Variants in DCC observed in about 807,000 individuals in gnomAD.
The protein encoded by DCC is netrin receptor DCC.
A neutral mutation model predicts 172.5 loss-of-function variants in DCC; 58 were observed. The observed-to-expected ratio is 0.34, with a 90% confidence interval of 0.27 to 0.42. The LOEUF is 0.42. Ranked by LOEUF, DCC falls within the 10% of genes least tolerant of loss-of-function variation. The pLI, the probability that DCC is intolerant of heterozygous loss-of-function variation, is 1.00. For missense variants in DCC, 1,740 were observed against 1,791.0 expected, an observed-to-expected ratio of 0.97 and a Z score of 0.51; for synonymous variants, 709 against 644.5, an observed-to-expected ratio of 1.10 and a Z score of -1.52.
chr18:52,767,010 G>T (rs988775526), intron 2 of DCC, among the ~76,000 whole-genome samples: 7 of 151,788 alleles, frequency 4.6e-5, no homozygotes, highest in Admixed American at 4.6e-4. Flanking sequence ...CCATGAAGAA[G>T]GCTTTTTCTA....
chr18:52,687,351 C>T (rs1188529742), intron 1 of DCC, among the ~76,000 whole-genome samples: 2 of 143,096 alleles, frequency 1.4e-5, no homozygotes, highest in Non-Finnish European at 3.0e-5. Flanking sequence ...ATGGTGTGGT[C>T]TCAGCTCACT....
intron 1 of DCC, among the ~76,000 whole-genome samples, chr18:52,592,696 C>T (rs976137236): frequency 2.4e-4 from 37 of 152,158 alleles, no homozygotes; most frequent in African/African-American, 3.4e-4. Flanking sequence ...TGCAGTGGCA[C>T]GATCTCAACT....
At chr18:52,663,725 C>T (rs2035407431) in intron 1 of DCC, among the ~76,000 whole-genome samples, 1 of 152,144 alleles carries the variant, frequency 6.6e-6, no homozygotes, top group Non-Finnish European at 1.5e-5. Flanking sequence ...AGACAGAAAA[C>T]TACATTCTCG....
intron 21 of DCC, among the ~76,000 whole-genome samples, chr18:53,425,020 C>T (rs540280563): frequency 2.6e-5 from 4 of 152,028 alleles, no homozygotes; most frequent in African/African-American, 9.6e-5. Context: ...AGGGGTGTGA[C>T]TGTGGGATAG....
chr18:52,941,370 T>C (rs182483157), intron 5 of DCC, among the ~76,000 whole-genome samples: 16 of 152,138 alleles, frequency 1.1e-4, no homozygotes, highest in Admixed American at 1.0e-3. Flanking sequence ...TTAATAAAGG[T>C]AGTACTCAGG....
chr18:52,791,560 A>G (rs182366380), intron 2 of DCC, among the ~76,000 whole-genome samples: 109 of 152,096 alleles, frequency 7.2e-4, no homozygotes, highest in Non-Finnish European at 1.3e-3. Flanking sequence ...ATAGAACCAG[A>G]GGAACTAAGC....
At position 52,352,983 on chromosome 18, in the gene DCC, T is replaced by G. The variant is rs557497049; in HGVS notation, c.91+12105T>G. ...GCTCTAGATGACTGAAAGCATCAGATAGGGAGGTGATCCTTGCCTCTATTC... is the reference window on the plus strand; with the variant it reads ...GCTCTAGATGACTGAAAGCATCAGAGAGGGAGGTGATCCTTGCCTCTATTC... On this transcript the variant is annotated intron_variant, in intron 1 of 28. Coordinates refer to ENST00000442544, the MANE Select transcript of DCC (RefSeq NM_005215.4). Among the ~76,000 whole-genome samples, 11 of 152,306 alleles carry G rather than the reference T, an allele frequency of 7.2e-5. 1 individual carries two copies. In the South Asian group the frequency reaches 2.3e-3, roughly 32 times the overall value.
chr18:53,530,766 C>T lies in DCC; in HGVS notation c.*113C>T. ...TCTAACCAGTGTACAGGTCACCCAT[C>T]AGGACCACTCAGTTAAGGAAGATCC... is the stretch of plus-strand genomic sequence containing the variant. On this transcript the variant is annotated 3_prime_UTR_variant, in exon 29 of 29. Coordinates refer to ENST00000442544, the MANE Select transcript of DCC (RefSeq NM_005215.4). 2.7e-6 allele frequency: 2 copies of T among 749,566 alleles called. No homozygotes were observed. Among genetic ancestry groups the T allele is most frequent in the Admixed American group, 1.8e-5 (1 of 54,892 alleles). The allele number at this position is 749,566 out of a possible 1,614,324, so 46.4% of individuals were successfully genotyped here.
At chr18:53,403,144 A>G (rs543303779) in intron 19 of DCC, among the ~76,000 whole-genome samples, 19 of 151,902 alleles carry the variant, frequency 1.3e-4, no homozygotes, top group African/African-American at 4.6e-4. Flanking sequence ...TTCACGAAAG[A>G]TGTGTATTTC....
At chr18:53,308,740 A>G (rs1407313972) in intron 13 of DCC, among the ~76,000 whole-genome samples, 1 of 152,242 alleles carries the variant, frequency 6.6e-6, no homozygotes, top group Admixed American at 6.5e-5. Flanking sequence ...GAAAAAACGC[A>G]GTACGGCAAC....
At position 53,179,100 on chromosome 18, in the gene DCC, G is replaced by T; in HGVS notation, c.1557G>T (p.Val519=). Residue 519 remains valine, a synonymous_variant, in exon 9 of 29, where the codon GTG becomes GTT. Coordinates refer to ENST00000442544, the MANE Select transcript of DCC (RefSeq NM_005215.4). Reference sequence around the variant, plus strand: ...GAGAGAGTTCTCAACCCATCAAGGTGGCCACACAGCCTGAGTGTGAGTATG... The same window carrying T: ...GAGAGAGTTCTCAACCCATCAAGGTTGCCACACAGCCTGAGTGTGAGTATG... The part of the protein sequence containing the change: ...GPGESSQPIK[V]ATQPELQVPG... 1.2e-6 allele frequency: 2 copies of T among 1,613,840 alleles called. No homozygotes were observed. The highest frequency in any genetic ancestry group is 1.7e-6 in the Non-Finnish European group (2 of 1,179,894).
chr18:53,232,222 A>G (rs1481831476), intron 12 of DCC, among the ~76,000 whole-genome samples: 1 of 152,144 alleles, frequency 6.6e-6, no homozygotes, highest in Non-Finnish European at 1.5e-5. Context: ...CTCTTCTCCA[A>G]GTAAAATATT....
At position 53,267,516 on chromosome 18, in the gene DCC, G is replaced by C. The variant is rs538459901; in HGVS notation, c.1912-38062G>C. On this transcript the variant is annotated intron_variant, in intron 12 of 28. Transcript: ENST00000442544. ...TTCTTTTGAGACAGGGTCTTTCTCT[G>C]TCACCCAGGGTAGAATGCAGTGGTG... is the stretch of plus-strand genomic sequence containing the variant. Among the ~76,000 whole-genome samples the C allele has an allele frequency of 3.0e-4, 46 of 152,056 alleles. No individual in the cohort carries two copies. The South Asian group carries it at 3.7e-3, about 12-fold the overall frequency.
chr18:52,687,484 C>T (rs761985524), intron 1 of DCC, among the ~76,000 whole-genome samples: 14 of 152,072 alleles, frequency 9.2e-5, no homozygotes, highest in Middle Eastern at 3.4e-3. Context: ...AAGGTTTCAC[C>T]ATGTTGGCCA....
intron 9 of DCC, among the ~76,000 whole-genome samples, chr18:53,181,552 T>C (rs1405261302): frequency 6.6e-6 from 1 of 152,138 alleles, no homozygotes; most frequent in Non-Finnish European, 1.5e-5. Flanking sequence ...TATATTCTGC[T>C]ATTTTAATAT....
chr18:52,502,843 G>A (rs924880510), intron 1 of DCC, among the ~76,000 whole-genome samples: 2 of 152,210 alleles, frequency 1.3e-5, no homozygotes, highest in Non-Finnish European at 2.9e-5. Flanking sequence ...AGTGCATTCA[G>A]TGACATCGTG....
intron 2 of DCC, among the ~76,000 whole-genome samples, chr18:52,871,213 C>T (rs906742481): frequency 1.3e-5 from 2 of 152,162 alleles, no homozygotes; most frequent in Non-Finnish European, 2.9e-5. Context: ...CAAAATCATG[C>T]TTCAGGCCCA....
At chr18:53,151,687 TAA>T (rs577089663) in intron 7 of DCC, among the ~76,000 whole-genome samples, 52 of 152,264 alleles carry the variant, frequency 3.4e-4, no homozygotes, top group Admixed American at 2.8e-3. Context: ...TGGAGTACAT[TAA>T]GTTTCATCTC....
chr18:52,791,779 C>G (rs151311282), intron 2 of DCC, among the ~76,000 whole-genome samples: 2 of 152,038 alleles, frequency 1.3e-5, no homozygotes, highest in Admixed American at 6.6e-5. Context: ...TAGTATGGTT[C>G]GTGTTAAAGC....
Sources: gnomAD v4.1 joint callset for allele counts (sites outside exome capture counted in the v4.1 genomes callset) on GRCh38, gnomAD v4.1.1 for gene constraint, MANE v1.5 for transcripts, NCBI Gene and HGNC (gene_info 2026-07-23, HGNC 2026-07-21) for gene names.